The following RERE variants were observed in gnomAD, a reference collection of about 807,000 sequenced individuals.
RERE encodes arginine-glutamic acid dipeptide repeats protein.
In RERE, 40 loss-of-function variants were observed where a neutral mutation model predicts 146.1. That is an observed-to-expected ratio of 0.27 (90% CI 0.21 to 0.36). The LOEUF (loss-of-function observed/expected upper bound fraction) is 0.36. RERE is among the 10% of genes least tolerant of loss of function. RERE has a pLI of 1.00. For missense variants in RERE, 1,933 were observed against 2,138.7 expected (o/e 0.90, Z 1.90); for synonymous variants, 1,003 against 866.0 (o/e 1.16, Z -2.78).
At chr1:8,655,256 G>C (rs1194054649) in intron 2 of RERE, among the ~76,000 whole-genome samples, 1 of 151,934 alleles carries the variant, frequency 6.6e-6, no homozygotes, top group Non-Finnish European at 1.5e-5. Context: ...GCCCAGGCTG[G>C]AGTGCAGTGG....
chr1:8,422,856 G>T (rs1643930675), intron 11 of RERE, 49 bp from the exon 12 acceptor site: 3 of 1,354,120 alleles, frequency 2.2e-6, no homozygotes, highest in Middle Eastern at 1.9e-4. Flanking sequence ...AACAAAACAG[G>T]ATGTCAGCAA....
chr1:8,795,828 C>T (rs949402052), intron 1 of RERE, among the ~76,000 whole-genome samples: 8 of 151,964 alleles, frequency 5.3e-5, no homozygotes, highest in Admixed American at 2.6e-4. Context: ...ACCAAAAATA[C>T]AAAATTAGCT....
intron 1 of RERE, among the ~76,000 whole-genome samples, chr1:8,705,641 A>G (rs1051834185): frequency 1.3e-5 from 2 of 152,246 alleles, no homozygotes; most frequent in Non-Finnish European, 1.5e-5. Flanking sequence ...AGTTCCATAG[A>G]GTTCTATAGA....
chr1:8,778,106 C>A (rs192651782), intron 1 of RERE, among the ~76,000 whole-genome samples: 232 of 152,260 alleles, frequency 1.5e-3, no homozygotes, highest in African/African-American at 5.4e-3. Context: ...ACAGTCACCA[C>A]ACTAAGCAAA....
rs541930476 is a variant in RERE at position 8,603,842 on chromosome 1, C to T, written c.522+10719G>A. 4.0e-5 allele frequency among the ~76,000 whole-genome samples: 6 copies of T among 148,798 alleles called. No individual in the cohort carries two copies. In the South Asian group the frequency reaches 1.3e-3, roughly 31 times the overall value. The stretch of plus-strand genomic sequence containing the variant: ...GCATGGTGGCCCGTGCCTGTAGTCC[C>T]AGCTACTCAGGAGGTTGAGACAGAG... On this transcript the variant is annotated intron_variant, in intron 4 of 22. Coordinates refer to ENST00000400908, the MANE Select transcript of RERE (RefSeq NM_001042681.2).
chr1:8,654,802 T>C (rs956959560), intron 2 of RERE, among the ~76,000 whole-genome samples: 16 of 152,034 alleles, frequency 1.1e-4, no homozygotes, highest in African/African-American at 3.6e-4. Context: ...CCCAGCTAAT[T>C]TGTAAAAATT....
Position 8,361,016 on chromosome 1 carries a change from C to T in RERE, c.2491G>A (p.Gly831Arg). ...SPHPPLQPLT[G>R]SAGQPSAPSH... ...GGTGCAGAAGGCTGGCCCGCCGACC[C>T]AGTCAGAGGCTGCAGCGGGGGATGT... The change falls in exon 18 of 23, where the codon GGG (glycine) becomes AGG (arginine). Residue 831 changes from glycine (G) to arginine (R), a missense_variant. Transcript: ENST00000400908. 1 of 1,434,894 alleles carries T rather than the reference C, an allele frequency of 7.0e-7. No individual in the cohort carries two copies. Among genetic ancestry groups the T allele is most frequent in the Non-Finnish European group, 9.1e-7 (1 of 1,100,338 alleles). 88.9% of individuals were successfully genotyped at this position (1,434,894 alleles called of 1,614,324 possible).
intron 1 of RERE, among the ~76,000 whole-genome samples, chr1:8,788,649 C>T (rs958925685): frequency 2.1e-5 from 3 of 146,120 alleles, no homozygotes; most frequent in African/African-American, 7.6e-5. Context: ...AGGCGTGAGC[C>T]ACTGCGCCCA....
intron 4 of RERE, among the ~76,000 whole-genome samples, chr1:8,586,991 A>G (rs1209083651): frequency 6.6e-6 from 1 of 152,206 alleles, no homozygotes; most frequent in African/African-American, 2.4e-5. Flanking sequence ...ATAAAAAGCA[A>G]AAAACATTTA....
At chr1:8,604,637 G>T in intron 4 of RERE, among the ~76,000 whole-genome samples, 1 of 142,006 alleles carries the variant, frequency 7.0e-6, no homozygotes, top group African/African-American at 2.9e-5. Flanking sequence ...AGGAAGGAAG[G>T]AAGGAAGGAA....
At position 8,481,404 on chromosome 1, in the gene RERE, G is replaced by A. The variant is rs774114499; in HGVS notation, c.1104+13659C>T. 1.1e-4 allele frequency among the ~76,000 whole-genome samples: 16 copies of A among 152,208 alleles called. No individual in the cohort carries two copies. In the East Asian group the frequency reaches 2.1e-3, roughly 20 times the overall value. ...GCTGGGATTACATGCGTGACCCACC[G>A]CACCCGGCCCGATTAACCAGACATT... is the stretch of plus-strand genomic sequence containing the variant. On this transcript the variant is annotated intron_variant, in intron 10 of 22. Transcript: ENST00000400908.
chr1:8,803,865 TAA>T (rs1437376874), intron 1 of RERE, among the ~76,000 whole-genome samples: 1 of 152,038 alleles, frequency 6.6e-6, no homozygotes, highest in Non-Finnish European at 1.5e-5. Context: ...CCCAGCCAAC[TAA>T]AGTTTCTGTA....
rs577838565 is a variant in RERE at position 8,515,385 on chromosome 1, TGGTGGCTCACCTGAGGCAGGCAGGTCA to T, written c.831-6737_831-6711del. 7.5e-3 allele frequency among the ~76,000 whole-genome samples: 1,134 copies of T among 151,394 alleles called. 17 individuals carry two copies. Among genetic ancestry groups the T allele is most frequent in the African/African-American group, 0.026 (1,063 of 41,216 alleles). ...TTTAAAAAAACAAACAGGCCGGGCGTGGTGGCTCACCTGAGGCAGGCAGGTCACCTGACGTCAGGAGTTCAAGACCAG... is the reference window on the plus strand; with the variant it reads ...TTTAAAAAAACAAACAGGCCGGGCGTCCTGACGTCAGGAGTTCAAGACCAG... On this transcript the variant is annotated intron_variant, in intron 7 of 22. Coordinates refer to ENST00000400908, the MANE Select transcript of RERE (RefSeq NM_001042681.2).
In RERE at chr1:8,541,203, G is replaced by C. The variant is rs1378521823; in HGVS notation, c.830+11C>G. The C allele has an allele frequency of 7.1e-7, 1 of 1,408,170 alleles. No homozygotes were observed. Among genetic ancestry groups the C allele is most frequent in the East Asian group, 2.3e-5 (1 of 43,708 alleles). 87.2% of individuals were successfully genotyped at this position (1,408,170 alleles called of 1,614,324 possible). A position where few individuals can be genotyped will look rare whatever the true frequency, so the allele number is the denominator to read the frequency against. ...GAGTTCTCAATGAATGGACACAAGT[G>C]ACTCACTTACCTTGTCTCAGGGTTA... On this transcript the variant is annotated intron_variant, in intron 7 of 22. Transcript: ENST00000400908.
intron 4 of RERE, among the ~76,000 whole-genome samples, chr1:8,602,033 C>A (rs1294794404): frequency 6.6e-6 from 1 of 152,176 alleles, no homozygotes; most frequent in East Asian, 1.9e-4. Context: ...AAGCACAGTA[C>A]CCTTCTCTCT....
chr1:8,762,962 C>G (rs890884032), intron 1 of RERE, among the ~76,000 whole-genome samples: 1 of 152,060 alleles, frequency 6.6e-6, no homozygotes, highest in Non-Finnish European at 1.5e-5. Flanking sequence ...AAAAAATTAT[C>G]ACAGTCCCTC....
intron 2 of RERE, among the ~76,000 whole-genome samples, chr1:8,650,960 A>G (rs1346855826): frequency 6.7e-6 from 1 of 149,512 alleles, no homozygotes; most frequent in Admixed American, 6.7e-5. Context: ...AGCTGGGTGT[A>G]GTGCCACGTG....
intron 1 of RERE, among the ~76,000 whole-genome samples, chr1:8,782,680 C>T (rs1308510513): frequency 1.3e-5 from 2 of 152,052 alleles, no homozygotes; most frequent in Non-Finnish European, 2.9e-5. Context: ...CCGAGGTGGG[C>T]AGATCACTTG....
At chr1:8,362,610 C>T in intron 16 of RERE, 73 bp downstream of exon 16, 1 of 1,579,666 alleles carries the variant, frequency 6.3e-7, no homozygotes. Context: ...GGGAGCTGAT[C>T]ACGAATACCA....
Sources: gnomAD v4.1 joint callset for allele counts (sites outside exome capture counted in the v4.1 genomes callset) on GRCh38, gnomAD v4.1.1 for gene constraint, MANE v1.5 for transcripts, NCBI Gene and HGNC (gene_info 2026-07-23, HGNC 2026-07-21) for gene names.